The following DTNBP1 variants were observed in gnomAD, a reference collection of about 807,000 sequenced individuals.
DTNBP1 encodes the protein dystrobrevin binding protein 1.
DTNBP1 carries 35 observed loss-of-function variants against 42.8 expected under a neutral mutation model. The observed-to-expected ratio is 0.82, with a 90% confidence interval of 0.63 to 1.09. The LOEUF is 1.09. DTNBP1 is among the 50% of genes least tolerant of loss of function. The probability of loss-of-function intolerance (pLI) is 0.00; values close to 1 mark genes in which losing one functional copy is unlikely to be tolerated. For missense variants in DTNBP1, 457 were observed against 424.2 expected, an observed-to-expected ratio of 1.08 and a Z score of -0.68; for synonymous variants, 171 against 162.2, an observed-to-expected ratio of 1.05 and a Z score of -0.41.
chr6:15,575,443 C>T (rs759867719), intron 7 of DTNBP1, among the ~76,000 whole-genome samples: 3 of 152,204 alleles, frequency 2.0e-5, no homozygotes, highest in Non-Finnish European at 4.4e-5. Flanking sequence ...CACAGAACAA[C>T]TTCTCTTTAA....
chr6:15,604,408 G>T (rs1424338324), intron 6 of DTNBP1, among the ~76,000 whole-genome samples: 3 of 152,126 alleles, frequency 2.0e-5, no homozygotes, highest in Non-Finnish European at 4.4e-5. Context: ...CAGAGAAGGT[G>T]CTCTCGATCT....
At chr6:15,650,308 T>C (rs1478286952) in intron 3 of DTNBP1, among the ~76,000 whole-genome samples, 2 of 152,180 alleles carry the variant, frequency 1.3e-5, no homozygotes, top group Non-Finnish European at 2.9e-5. Context: ...GTTTCGCTCT[T>C]GTTGCCCAGG....
intron 6 of DTNBP1, chr6:15,595,146 C>T: frequency 2.2e-6 from 1 of 456,174 alleles, no homozygotes; most frequent in South Asian, 1.5e-5. Flanking sequence ...CAGGAAACTT[C>T]CCTTCAGAAA....
At chr6:15,559,214 T>C (rs185341028) in intron 7 of DTNBP1, among the ~76,000 whole-genome samples, 46 of 152,264 alleles carry the variant, frequency 3.0e-4, no homozygotes, top group Non-Finnish European at 4.7e-4. Context: ...CAACGACCAG[T>C]TGAAAGCGAT....
chr6:15,656,709 C>T (rs1242291739), intron 1 of DTNBP1, among the ~76,000 whole-genome samples: 2 of 152,060 alleles, frequency 1.3e-5, no homozygotes, highest in African/African-American at 4.8e-5. Flanking sequence ...GAGCATACCA[C>T]AGCACTGCAG....
intron 3 of DTNBP1, among the ~76,000 whole-genome samples, chr6:15,643,741 G>A (rs1760514013): frequency 6.6e-6 from 1 of 151,960 alleles, no homozygotes; most frequent in South Asian, 2.1e-4. Flanking sequence ...CAAACACAAA[G>A]GGAATTTATC....
At chr6:15,623,403 G>A (rs989728256) in intron 5 of DTNBP1, among the ~76,000 whole-genome samples, 2 of 152,110 alleles carry the variant, frequency 1.3e-5, no homozygotes, top group African/African-American at 4.8e-5. Context: ...GCATCTTCTG[G>A]CTGGGTACAG....
rs931052323 is a variant in DTNBP1, at chr6:15,596,209, G to A, written c.489-3128C>T. On this transcript the variant is annotated intron_variant, in intron 6 of 9. Transcript: ENST00000344537. Reference sequence around the variant, plus strand: ...GAGGAAGGAGACAAGCATGCTAACCGGGGCAGTTCTAGTCTGGATCATAAG... The same window carrying A: ...GAGGAAGGAGACAAGCATGCTAACCAGGGCAGTTCTAGTCTGGATCATAAG... Among the ~76,000 whole-genome samples, 6 of 152,148 alleles carry A rather than the reference G, an allele frequency of 3.9e-5. No individual in the cohort carries two copies. In the East Asian group the frequency reaches 7.7e-4, roughly 20 times the overall value.
intron 7 of DTNBP1, among the ~76,000 whole-genome samples, chr6:15,558,074 T>C (rs55871830): frequency 0.094 from 14,273 of 151,638 alleles, 750 homozygotes; most frequent in Non-Finnish European, 0.11. Context: ...GAAACACCTA[T>C]AATTTTGATA....
intron 8 of DTNBP1, among the ~76,000 whole-genome samples, chr6:15,526,590 G>A (rs780420836): frequency 3.0e-4 from 45 of 152,190 alleles, no homozygotes; most frequent in Non-Finnish European, 5.6e-4. Flanking sequence ...GGACTTGGCC[G>A]GGGGTTGAGC....
intron 1 of DTNBP1, among the ~76,000 whole-genome samples, chr6:15,656,774 T>C (rs1761307346): frequency 6.6e-6 from 1 of 152,034 alleles, no homozygotes; most frequent in African/African-American, 2.4e-5. Context: ...GAAAAAGATG[T>C]AGATAAACAG....
chr6:15,574,826 C>T (rs914359823), intron 7 of DTNBP1, among the ~76,000 whole-genome samples: 1 of 152,176 alleles, frequency 6.6e-6, no homozygotes, highest in African/African-American at 2.4e-5. Context: ...TCAATTAAAA[C>T]AAAGTGTCCC....
At chr6:15,651,478 A>G (rs1760993530) in intron 2 of DTNBP1, 115 bp from the exon 3 acceptor site, 1 of 1,362,812 alleles carries the variant, frequency 7.3e-7, no homozygotes, top group East Asian at 2.4e-5. Context: ...AAAATCACTA[A>G]TGACAATTAT....
intron 1 of DTNBP1, among the ~76,000 whole-genome samples, chr6:15,658,858 G>A (rs1286123972): frequency 2.0e-5 from 3 of 152,206 alleles, no homozygotes; most frequent in Non-Finnish European, 4.4e-5. Context: ...TTTAGGTGAG[G>A]GGAAAAGATC....
intron 4 of DTNBP1, among the ~76,000 whole-genome samples, chr6:15,629,682 C>T (rs1234260964): frequency 2.0e-5 from 3 of 152,100 alleles, no homozygotes; most frequent in Non-Finnish European, 2.9e-5. Context: ...CATATATTAT[C>T]TCATTTAAAC....
chr6:15,560,042 T>A (rs187879504), intron 7 of DTNBP1, among the ~76,000 whole-genome samples: 47 of 152,338 alleles, frequency 3.1e-4, no homozygotes, highest in African/African-American at 1.1e-3. Flanking sequence ...GCGCAGTGGC[T>A]CACACCTGTA....
At chr6:15,659,428 T>C (rs1440798007) in intron 1 of DTNBP1, among the ~76,000 whole-genome samples, 1 of 152,224 alleles carries the variant, frequency 6.6e-6, no homozygotes, top group African/African-American at 2.4e-5. Flanking sequence ...GCAGCTGCTC[T>C]GGCTTCCACA....
At chr6:15,538,958 G>A (rs1773401182) in intron 7 of DTNBP1, among the ~76,000 whole-genome samples, 1 of 152,142 alleles carries the variant, frequency 6.6e-6, no homozygotes, top group South Asian at 2.1e-4. Flanking sequence ...CATGGACAAT[G>A]GTGAATGAGG....
At chr6:15,564,642 A>T (rs1774991218) in intron 7 of DTNBP1, among the ~76,000 whole-genome samples, 1 of 152,182 alleles carries the variant, frequency 6.6e-6, no homozygotes, top group Non-Finnish European at 1.5e-5. Flanking sequence ...TCCTGACCTC[A>T]GGTGATCTTT....
Sources: gnomAD v4.1 joint callset for allele counts (sites outside exome capture counted in the v4.1 genomes callset) on GRCh38, gnomAD v4.1.1 for gene constraint, MANE v1.5 for transcripts, NCBI Gene and HGNC (gene_info 2026-07-23, HGNC 2026-07-21) for gene names.